SHPRH: variants seen among roughly 807,000 people sequenced by gnomAD.
SHPRH encodes E3 ubiquitin-protein ligase SHPRH.
A neutral mutation model predicts 202.5 loss-of-function variants in SHPRH; 106 were observed. The observed-to-expected ratio is 0.52, with a 90% CI of 0.45 to 0.62. The LOEUF is 0.62. SHPRH is among the 20% of genes least tolerant of loss of function. The pLI is 0.00. For synonymous variants in SHPRH, 729 were observed against 686.0 expected, an observed-to-expected ratio of 1.06 and a Z score of -0.98; for missense variants, 1,710 against 2,020.0, an observed-to-expected ratio of 0.85 and a Z score of 2.94.
rs150075161 is a variant in SHPRH, at chr6:145,899,346, T to C, written c.4516-4369A>G. On this transcript the variant is annotated intron_variant, in intron 25 of 29. Coordinates refer to ENST00000275233, the MANE Select transcript of SHPRH (RefSeq NM_001042683.3). Reference sequence around the variant, plus strand: ...TACGCTACTGAAATAAAAACAGACATACAGACCAATGGAACAGGAGAGAGC... The same window carrying C: ...TACGCTACTGAAATAAAAACAGACACACAGACCAATGGAACAGGAGAGAGC... Among the ~76,000 whole-genome samples, 439 of 151,992 alleles carry C rather than the reference T, an allele frequency of 2.9e-3. 3 individuals are homozygous for C. The highest frequency in any genetic ancestry group is 0.01 in the African/African-American group (420 of 41,464).
chr6:145,898,967 A>C (rs1022106413), intron 25 of SHPRH, among the ~76,000 whole-genome samples: 5 of 151,932 alleles, frequency 3.3e-5, no homozygotes, highest in African/African-American at 9.7e-5. Flanking sequence ...GTGCACCACC[A>C]CACCTGGCTA....
chr6:145,878,068 C>A (rs1034854004), intron 2 of SHPRH: 1 of 152,198 alleles, frequency 6.6e-6, no homozygotes, highest in Non-Finnish European at 1.5e-5. Context: ...GAATAAATCT[C>A]TTCAAATATT....
chr6:145,887,784 G>A (rs1781206349), intron 29 of SHPRH, among the ~76,000 whole-genome samples: 1 of 152,082 alleles, frequency 6.6e-6, no homozygotes, highest in Non-Finnish European at 1.5e-5. Flanking sequence ...GTGATCCAAT[G>A]TGGCAAAGGA....
intron 3 of SHPRH, chr6:145,951,679 A>C (rs1438471767): frequency 2.5e-6 from 1 of 393,852 alleles, no homozygotes; most frequent in African/African-American, 2.1e-5. Flanking sequence ...TGATATTATA[A>C]AGCATTGCAA....
At chr6:145,903,544 A>T (rs1387918140) in intron 25 of SHPRH, 1 of 152,038 alleles carries the variant, frequency 6.6e-6, no homozygotes, top group Non-Finnish European at 1.5e-5. Context: ...AAGTTTATGG[A>T]GACAGAGCCT....
intron 9 of SHPRH, among the ~76,000 whole-genome samples, chr6:145,942,690 A>G (rs1265156898): frequency 1.3e-5 from 2 of 152,344 alleles, no homozygotes; most frequent in East Asian, 1.9e-4. Flanking sequence ...CTGGCACATA[A>G]TAAGTGGTCA....
rs1212264729 is a variant in SHPRH at position 145,886,778 on chromosome 6, G to C, written c.4965C>G (p.Asn1655Lys). The change falls in exon 30 of 30, where the codon AAC (asparagine) becomes AAG (lysine). Residue 1655 changes from asparagine (N) to lysine (K), a missense_variant. Around this residue, in one of 8 missense-constraint regions of SHPRH, gnomAD observed 306 missense variants for 479.5 expected, o/e 0.64. Transcript: ENST00000275233. ...AGGCCTCTGAATGCTTTGCTGATGA[G>C]TTCGTGTGACTGCAAGGTTTCCCAA... ...MLKTAERSHTNSSAKHSEASV... is the reference protein window; with the variant it reads ...MLKTAERSHTKSSAKHSEASV... 6.2e-7 allele frequency: 1 copy of C among 1,613,090 alleles called. No homozygotes were observed.
intron 14 of SHPRH, among the ~76,000 whole-genome samples, chr6:145,929,186 A>T (rs1009733697): frequency 6.6e-6 from 1 of 151,904 alleles, no homozygotes; most frequent in African/African-American, 2.4e-5. Flanking sequence ...ACCCATATTC[A>T]ATGTTATAAA....
rs566312456 is a variant in SHPRH at position 145,941,566 on chromosome 6, C to A, written c.2490+57G>T. On this transcript the variant is annotated intron_variant, in intron 10 of 29. Coordinates refer to ENST00000275233, the MANE Select transcript of SHPRH (RefSeq NM_001042683.3). ...AAACTATTAAACTACTCAAGGTCCCCTAATTCCTTTTCACCCTTCTTCCCC... is the reference window on the plus strand; with the variant it reads ...AAACTATTAAACTACTCAAGGTCCCATAATTCCTTTTCACCCTTCTTCCCC... The A allele has an allele frequency of 8.1e-6, 13 of 1,597,772 alleles. No individual in the cohort carries two copies. In the African/African-American group the frequency reaches 1.7e-4, roughly 21 times the overall value.
intron 16 of SHPRH, 60 bp downstream of exon 16, chr6:145,926,144 T>A: frequency 7.2e-7 from 1 of 1,392,476 alleles, no homozygotes. Flanking sequence ...ATATCAACTA[T>A]ATGGAGCATA....
chr6:145,959,794 T>C (rs1366482212), intron 1 of SHPRH, among the ~76,000 whole-genome samples: 1 of 152,252 alleles, frequency 6.6e-6, no homozygotes, highest in Admixed American at 6.5e-5. Flanking sequence ...CACTTATGAA[T>C]GTGCAGGTGA....
chr6:145,923,526 T>C (rs933148700), intron 18 of SHPRH, 117 bp downstream of exon 18: 25 of 1,261,936 alleles, frequency 2.0e-5, no homozygotes, highest in South Asian at 1.1e-4. Context: ...TGTGTCTGTA[T>C]AGGTTTATGA....
At chr6:145,930,977 CTACTT>C (rs1785379929) in intron 14 of SHPRH, among the ~76,000 whole-genome samples, 1 of 152,142 alleles carries the variant, frequency 6.6e-6, no homozygotes, top group Non-Finnish European at 1.5e-5. Flanking sequence ...GCTCTGAAAT[CTACTT>C]TATAAGTTCC....
chr6:145,868,554 T>C (rs1382819506), intron 2 of SHPRH, among the ~76,000 whole-genome samples: 1 of 152,226 alleles, frequency 6.6e-6, no homozygotes, highest in Non-Finnish European at 1.5e-5. Flanking sequence ...TCACTTGTTT[T>C]CAGTCCGGCT....
In SHPRH at chr6:145,945,412, T is replaced by C. The variant is rs1400190728; in HGVS notation, c.1547A>G (p.Glu516Gly). 1 of 1,612,690 alleles carries C rather than the reference T, an allele frequency of 6.2e-7. No homozygotes were observed. The highest frequency in any genetic ancestry group is 1.1e-5 in the South Asian group (1 of 91,032). Residue 516 changes from glutamate (E) to glycine (G), a missense_variant, in exon 8 of 30, where the codon GAA becomes GGA. Transcript: ENST00000275233. ...TTTTGTTTTATCACATATATCCTCT[T>C]CCTTGTAATTCTTTCCCAATGTAAA... is the stretch of plus-strand genomic sequence containing the variant. ...GTFTLGKNYKEEDICDKTKKQ... is the reference protein window; with the variant it reads ...GTFTLGKNYKGEDICDKTKKQ...
chr6:145,860,130 G>T (rs1431325247), downstream of SHPRH, among the ~76,000 whole-genome samples: 1 of 151,922 alleles, frequency 6.6e-6, no homozygotes, highest in Non-Finnish European at 1.5e-5. Context: ...AAAAGGCAAG[G>T]ATGTCCTCTC....
At chr6:145,901,768 T>C (rs147845181) in intron 25 of SHPRH, among the ~76,000 whole-genome samples, 2 of 152,122 alleles carry the variant, frequency 1.3e-5, no homozygotes, top group East Asian at 3.9e-4. Context: ...TCTTCTGACA[T>C]TACTGTCCCT....
chr6:145,927,122 A>ATT (rs1442957450), intron 15 of SHPRH, 67 bp downstream of exon 15: 92 of 1,422,004 alleles, frequency 6.5e-5, no homozygotes, highest in Non-Finnish European at 8.0e-5. Context: ...CCTCTTAAAC[A>ATT]TTCAGAAAAA....
chr6:145,914,419 T>C (rs376903361), intron 23 of SHPRH, among the ~76,000 whole-genome samples: 1 of 152,184 alleles, frequency 6.6e-6, no homozygotes, highest in Admixed American at 6.6e-5. Flanking sequence ...TTGACATTTA[T>C]ATAAATGGTG....
Sources: gnomAD v4.1 joint callset for allele counts (sites outside exome capture counted in the v4.1 genomes callset) on GRCh38, gnomAD v4.1.1 for gene constraint, gnomAD v4.1.1 regional missense constraint, MANE v1.5 for transcripts, NCBI Gene and HGNC (gene_info 2026-07-23, HGNC 2026-07-21) for gene names.